The following CR1 variants were observed in gnomAD, a reference collection of about 807,000 sequenced individuals.
CR1 encodes the protein complement C3b/C4b receptor 1 (Knops blood group), also known as complement receptor type 1.
CR1 carries 116 observed loss-of-function variants against 187.3 expected under a neutral mutation model. That is an observed-to-expected ratio of 0.62 (90% CI 0.53 to 0.72). CR1 has a LOEUF of 0.72. Among genes scored for constraint, CR1 ranks in the 30% least tolerant of loss-of-function variants. The probability of loss-of-function intolerance (pLI) is 0.00; values close to 1 mark genes in which losing one functional copy is unlikely to be tolerated. For synonymous variants in CR1, 576 were observed against 747.1 expected (o/e 0.77, Z 3.73); for missense variants, 1,731 against 2,110.7 (o/e 0.82, Z 3.52).
At chr1:207,593,928 G>C (rs1212948151) in intron 35 of CR1, among the ~76,000 whole-genome samples, 1 of 152,188 alleles carries the variant, frequency 6.6e-6, no homozygotes, top group African/African-American at 2.4e-5. Flanking sequence ...AGTTAGAATG[G>C]CAATCACTAA....
intron 1 of CR1, among the ~76,000 whole-genome samples, chr1:207,501,950 G>C (rs974759276): frequency 4.0e-5 from 6 of 151,474 alleles, no homozygotes; most frequent in African/African-American, 1.2e-4. Flanking sequence ...TCAAAGTGCT[G>C]TTATCTATCA....
rs1398631867 is a variant in CR1, at chr1:207,523,747, GGGT to G, written c.626_628del (p.Gly209del). The G allele has an allele frequency of 6.2e-7, 1 of 1,612,088 alleles. No homozygotes were observed. Among genetic ancestry groups the G allele is most frequent in the Non-Finnish European group, 8.5e-7 (1 of 1,179,816 alleles). ...GAGGGAGAAAGGTGTTTGAGCTTGT[GGGT>G]GAGCCCTCCATATACTGCACCAGCA... On this transcript the variant is annotated inframe_deletion, in exon 5 of 47. Coordinates refer to ENST00000367049, the MANE Select transcript of CR1 (RefSeq NM_000651.6).
At chr1:207,598,495 C>A (rs1304690645) in intron 35 of CR1, among the ~76,000 whole-genome samples, 1 of 151,682 alleles carries the variant, frequency 6.6e-6, no homozygotes, top group African/African-American at 2.4e-5. Context: ...TCTCGGTTCA[C>A]TGCAACCTCC....
intron 3 of CR1, 130 bp from the exon 4 acceptor site, chr1:207,511,439 T>A (rs1297953269): frequency 2.7e-6 from 2 of 752,568 alleles, no homozygotes; most frequent in Non-Finnish European, 4.1e-6. Context: ...GGGAAAGTGA[T>A]AGATAGTCCT....
chr1:207,601,986 G>A (rs1661619718), intron 35 of CR1, among the ~76,000 whole-genome samples: 1 of 152,080 alleles, frequency 6.6e-6, no homozygotes, highest in African/African-American at 2.4e-5. Context: ...ATCTCAAAAA[G>A]AGAAGAAAAC....
At chr1:207,505,463 C>A (rs371398759) in intron 1 of CR1, among the ~76,000 whole-genome samples, 2 of 152,250 alleles carry the variant, frequency 1.3e-5, no homozygotes, top group Middle Eastern at 3.4e-3. Context: ...CACTCCTGCA[C>A]CCCTTGGCTA....
At chr1:207,497,788 T>C (rs1403917615) in intron 1 of CR1, among the ~76,000 whole-genome samples, 1 of 151,934 alleles carries the variant, frequency 6.6e-6, no homozygotes, top group South Asian at 2.1e-4. Flanking sequence ...CCAGACACTA[T>C]TAATTGCAAA....
At chr1:207,503,793 C>G (rs1165140781) in intron 1 of CR1, among the ~76,000 whole-genome samples, 4 of 152,206 alleles carry the variant, frequency 2.6e-5, no homozygotes, top group Non-Finnish European at 5.9e-5. Flanking sequence ...GCCTACCACA[C>G]CTTTCCATAT....
chr1:207,523,502 T>C (rs1255558177), intron 4 of CR1, 109 bp from the exon 5 acceptor site: 3 of 1,533,696 alleles, frequency 2.0e-6, no homozygotes, highest in Non-Finnish European at 2.6e-6. Context: ...TTAGCAAAGA[T>C]TAAAAGCAAA....
intron 46 of CR1, among the ~76,000 whole-genome samples, chr1:207,638,447 A>AG (rs1662881664): frequency 7.2e-6 from 1 of 137,978 alleles, no homozygotes; most frequent in African/African-American, 3.3e-5. Flanking sequence ...AGTTTAGGCC[A>AG]ATTTTTGGCC....
intron 24 of CR1, among the ~76,000 whole-genome samples, chr1:207,567,506 A>G (rs1162001259): frequency 6.6e-6 from 1 of 150,416 alleles, no homozygotes; most frequent in Non-Finnish European, 1.5e-5. Context: ...CTCAATTAAT[A>G]TATATTGACT....
At chr1:207,497,475 C>T (rs1267594635) in intron 1 of CR1, among the ~76,000 whole-genome samples, 1 of 152,150 alleles carries the variant, frequency 6.6e-6, no homozygotes, top group Non-Finnish European at 1.5e-5. Context: ...AGACATTTTA[C>T]ATTCATTATT....
chr1:207,638,108 T>C (rs1420829836), intron 46 of CR1, among the ~76,000 whole-genome samples: 1 of 152,238 alleles, frequency 6.6e-6, no homozygotes, highest in Admixed American at 6.5e-5. Flanking sequence ...CATTCCTTAC[T>C]GTCTCCCCCT....
chr1:207,512,744 T>C (rs1343760355), intron 4 of CR1, among the ~76,000 whole-genome samples: 3 of 152,238 alleles, frequency 2.0e-5, no homozygotes, highest in Admixed American at 6.5e-5. Flanking sequence ...ATTTGAAATC[T>C]GTAATAAACA....
chr1:207,517,221 G>T (rs1186766650), intron 4 of CR1, among the ~76,000 whole-genome samples: 1 of 152,016 alleles, frequency 6.6e-6, no homozygotes, highest in Non-Finnish European at 1.5e-5. Flanking sequence ...TGAATTCCTA[G>T]AATAAACCTA....
chr1:207,620,551 T>A (rs1662286134), intron 43 of CR1, among the ~76,000 whole-genome samples: 1 of 152,148 alleles, frequency 6.6e-6, no homozygotes. Context: ...ACTACCCACA[T>A]CATGGAGCAG....
chr1:207,613,592 C>T (rs1158099754), intron 39 of CR1, among the ~76,000 whole-genome samples: 2 of 151,992 alleles, frequency 1.3e-5, no homozygotes, highest in African/African-American at 4.8e-5. Flanking sequence ...TGTCTGCCTC[C>T]TGCTTCTATC....
chr1:207,574,745 G>A (rs1427462327), intron 27 of CR1, among the ~76,000 whole-genome samples: 6 of 152,104 alleles, frequency 3.9e-5, no homozygotes, highest in African/African-American at 1.4e-4. Context: ...CTAAAATTGA[G>A]AAAATAGGTT....
chr1:207,621,064 A>G (rs997855844), intron 43 of CR1, among the ~76,000 whole-genome samples: 5 of 152,164 alleles, frequency 3.3e-5, no homozygotes, highest in Non-Finnish European at 7.4e-5. Context: ...ACCTGAGGTC[A>G]GGAGTTTAAG....
Sources: gnomAD v4.1 joint callset for allele counts (sites outside exome capture counted in the v4.1 genomes callset) on GRCh38, gnomAD v4.1.1 for gene constraint, MANE v1.5 for transcripts, NCBI Gene and HGNC (gene_info 2026-07-23, HGNC 2026-07-21) for gene names.